RRAS2: variants seen among roughly 807,000 people sequenced by gnomAD.
RRAS2 encodes the protein RAS related 2.
In RRAS2, 7 loss-of-function variants were observed where a neutral mutation model predicts 27.6. The observed-to-expected ratio is 0.25, with a 90% CI of 0.14 to 0.48. RRAS2 has a LOEUF of 0.48. Ranked by LOEUF, RRAS2 falls within the 20% of genes least tolerant of loss-of-function variation. RRAS2 has a pLI of 0.99. For missense variants in RRAS2, 178 were observed against 256.2 expected, an observed-to-expected ratio of 0.69 and a Z score of 2.08; for synonymous variants, 86 against 90.9, an observed-to-expected ratio of 0.95 and a Z score of 0.31.
At position 14,327,720 on chromosome 11, in the gene RRAS2, G is replaced by A. The variant is rs1222370009; in HGVS notation, c.108+31043C>T. On this transcript the variant is annotated intron_variant, in intron 1 of 5. Coordinates refer to ENST00000256196, the MANE Select transcript of RRAS2 (RefSeq NM_012250.6). Reference sequence around the variant, plus strand: ...ATTTAGCCAGACTCTAAATGCTTTAGGGAAAAAGAAAAACGTGCAGTACAT... The same window carrying A: ...ATTTAGCCAGACTCTAAATGCTTTAAGGAAAAAGAAAAACGTGCAGTACAT... Among the ~76,000 whole-genome samples, 3 of 151,980 alleles carry A rather than the reference G, an allele frequency of 2.0e-5. No homozygotes were observed. The East Asian group carries it at 5.8e-4, about 29-fold the overall frequency.
At chr11:14,344,554 C>A (rs1201700536) in intron 1 of RRAS2, among the ~76,000 whole-genome samples, 2 of 152,226 alleles carry the variant, frequency 1.3e-5, no homozygotes, top group African/African-American at 2.4e-5. Context: ...TCTTCCTCTG[C>A]AGTTTGACTT....
At chr11:14,333,313 AT>A in intron 1 of RRAS2, among the ~76,000 whole-genome samples, 1 of 152,292 alleles carries the variant, frequency 6.6e-6, no homozygotes, top group South Asian at 2.1e-4. Context: ...CTGGAGGTGT[AT>A]TTATCAAGTC....
At chr11:14,329,011 GTATATA>G (rs199601519) in intron 1 of RRAS2, among the ~76,000 whole-genome samples, 1,544 of 137,686 alleles carry the variant, frequency 0.011, 11 homozygotes, top group Middle Eastern at 0.015. Context: ...GTGTGTGTGT[GTATATA>G]TATATATATA....
intron 4 of RRAS2, among the ~76,000 whole-genome samples, chr11:14,289,152 G>A (rs1849745411): frequency 6.6e-6 from 1 of 152,212 alleles, no homozygotes; most frequent in Admixed American, 6.5e-5. Context: ...CTAGGAGGCT[G>A]TAGGGGGCAC....
At chr11:14,326,602 C>A (rs1449429757) in intron 1 of RRAS2, among the ~76,000 whole-genome samples, 2 of 151,922 alleles carry the variant, frequency 1.3e-5, no homozygotes, top group Non-Finnish European at 2.9e-5. Flanking sequence ...ATCTTTATAC[C>A]AGCTGACTTG....
Position 14,294,672 on chromosome 11 carries a change from T to C in RRAS2, c.299+88A>G, listed in dbSNP as rs930669982. 2.1e-5 allele frequency: 32 copies of C among 1,497,052 alleles called. No homozygotes were observed. In the Admixed American group the frequency reaches 5.3e-4, roughly 25 times the overall value. 92.7% of individuals were successfully genotyped at this position (1,497,052 alleles called of 1,614,324 possible). The stretch of plus-strand genomic sequence containing the variant: ...GCCCCAATTAGTACTTTATTTTTCC[T>C]TTTTCTATAAAAACAAAAAGTCCAA... On this transcript the variant is annotated intron_variant, in intron 3 of 5. Coordinates refer to ENST00000256196, the MANE Select transcript of RRAS2 (RefSeq NM_012250.6).
chr11:14,352,128 T>C (rs1383632374), intron 1 of RRAS2, among the ~76,000 whole-genome samples: 1 of 152,220 alleles, frequency 6.6e-6, no homozygotes, highest in Non-Finnish European at 1.5e-5. Flanking sequence ...TTCTTATTTC[T>C]ACTGCTGAAT....
At chr11:14,351,128 G>A (rs1848941455) in intron 1 of RRAS2, among the ~76,000 whole-genome samples, 2 of 151,980 alleles carry the variant, frequency 1.3e-5, no homozygotes, top group Admixed American at 1.3e-4. Flanking sequence ...TATTATTTCT[G>A]CCCCCCAAAA....
At chr11:14,328,985 ATG>A (rs201186500) in intron 1 of RRAS2, among the ~76,000 whole-genome samples, 32 of 139,730 alleles carry the variant, frequency 2.3e-4, no homozygotes, top group African/African-American at 5.6e-4. Flanking sequence ...TTTTATATAT[ATG>A]TGTGTGTGTG....
At chr11:14,313,282 T>C (rs182003336) in intron 1 of RRAS2, among the ~76,000 whole-genome samples, 71 of 152,304 alleles carry the variant, frequency 4.7e-4, no homozygotes, top group Non-Finnish European at 9.1e-4. Flanking sequence ...GCCTAATTCA[T>C]AGTAAAAGAA....
chr11:14,306,943 T>C (rs1276167208), intron 1 of RRAS2, among the ~76,000 whole-genome samples: 2 of 149,590 alleles, frequency 1.3e-5, no homozygotes, highest in Non-Finnish European at 3.0e-5. Flanking sequence ...ATAATCCTAG[T>C]ACTTTGGAAG....
chr11:14,306,875 AT>A (rs1471492081), intron 1 of RRAS2, among the ~76,000 whole-genome samples: 138 of 130,120 alleles, frequency 1.1e-3, no homozygotes, highest in African/African-American at 3.9e-3. Context: ...GACCATCATT[AT>A]TTTATGTGCC....
At chr11:14,362,615 GTACA>G (rs1554956266), upstream of RRAS2, among the ~76,000 whole-genome samples, 1 of 152,102 alleles carries the variant, frequency 6.6e-6, no homozygotes. Flanking sequence ...CAGATAATAA[GTACA>G]TACATTTTCA....
chr11:14,298,159 T>C (rs781819750), intron 1 of RRAS2, among the ~76,000 whole-genome samples: 1 of 152,238 alleles, frequency 6.6e-6, no homozygotes, highest in Non-Finnish European at 1.5e-5. Context: ...AAGCATGCGC[T>C]GTACTTTTTA....
chr11:14,305,982 C>T (rs895479651), intron 1 of RRAS2, among the ~76,000 whole-genome samples: 1 of 152,094 alleles, frequency 6.6e-6, no homozygotes, highest in African/African-American at 2.4e-5. Flanking sequence ...GAGTTAGAGG[C>T]TGCAGTGAGC....
At chr11:14,357,459 C>A (rs1478655271) in intron 1 of RRAS2, among the ~76,000 whole-genome samples, 6 of 152,276 alleles carry the variant, frequency 3.9e-5, no homozygotes, top group African/African-American at 1.4e-4. Context: ...CAATCTCACC[C>A]CTTACTCAGT....
chr11:14,340,682 T>C (rs1345459795), intron 1 of RRAS2, among the ~76,000 whole-genome samples: 2 of 152,126 alleles, frequency 1.3e-5, no homozygotes, highest in Non-Finnish European at 2.9e-5. Context: ...TAAAAATCTA[T>C]CCACAATCAT....
chr11:14,309,225 A>G (rs572675734), intron 1 of RRAS2, among the ~76,000 whole-genome samples: 144 of 152,354 alleles, frequency 9.5e-4, no homozygotes, highest in Non-Finnish European at 1.2e-3. Context: ...CTTCTAGAAC[A>G]GAGAATGGTC....
Position 14,358,656 on chromosome 11 carries a change from C to T in RRAS2, c.108+107G>A. 2 of 979,762 alleles carry T rather than the reference C, an allele frequency of 2.0e-6. No homozygotes were observed. Among genetic ancestry groups the T allele is most frequent in the Admixed American group, 6.1e-5 (1 of 16,398 alleles). 60.7% of individuals were successfully genotyped at this position (979,762 alleles called of 1,614,324 possible). ...TCCCGCCCCCTGGCCCCGGCCCGGG[C>T]CCGCGAGGCGCCTCTGGGGCGAGGT... On this transcript the variant is annotated intron_variant, in intron 1 of 5. Transcript: ENST00000256196. This position sits in a 1 kb window ranked among gnomAD's most constrained non-coding sequence, Gnocchi z 5.1.
Sources: gnomAD v4.1 joint callset for allele counts (sites outside exome capture counted in the v4.1 genomes callset) on GRCh38, gnomAD v4.1.1 for gene constraint, Gnocchi (gnomAD v3.1) non-coding constraint, MANE v1.5 for transcripts, NCBI Gene and HGNC (gene_info 2026-07-23, HGNC 2026-07-21) for gene names.